NTM: variants seen among roughly 807,000 people sequenced by gnomAD.
NTM encodes neurotrimin.
NTM carries 13 observed loss-of-function variants against 42.1 expected under a neutral mutation model. The observed-to-expected ratio is 0.31, with a 90% CI of 0.20 to 0.49. The LOEUF (loss-of-function observed/expected upper bound fraction) is 0.49, where lower values mean the gene tolerates loss of function less well. NTM is among the 20% of genes least tolerant of loss of function. The pLI, the probability that NTM is intolerant of heterozygous loss-of-function variation, is 0.99. For synonymous variants in NTM, 187 were observed against 179.2 expected (o/e 1.04, Z -0.35); for missense variants, 373 against 452.8 (o/e 0.82, Z 1.60).
chr11:132,246,441 G>A (rs751864541), intron 4 of NTM, among the ~76,000 whole-genome samples: 3 of 152,238 alleles, frequency 2.0e-5, no homozygotes, highest in Non-Finnish European at 4.4e-5. Flanking sequence ...CACAGATTAA[G>A]TGATTCTGCC....
intron 2 of NTM, among the ~76,000 whole-genome samples, chr11:132,068,450 G>C (rs149763644): frequency 6.6e-6 from 1 of 152,120 alleles, no homozygotes; most frequent in East Asian, 1.9e-4. Context: ...CTTTCTTCTA[G>C]TTTCCAACAA....
rs372046540 is a variant in NTM at position 132,221,924 on chromosome 11, T to C, written c.526+9777T>C. ...TAATGCATATTGATTTCCTGCTTGA[T>C]GTCTAGCCCACTGCTTCATCTTGCT... On this transcript the variant is annotated intron_variant, in intron 4 of 8. Transcript: ENST00000683400. 9.8e-5 allele frequency among the ~76,000 whole-genome samples: 15 copies of C among 152,344 alleles called. 1 individual carries two copies. The highest frequency in any genetic ancestry group is 3.6e-4 in the African/African-American group (15 of 41,588).
At chr11:131,415,595 C>T (rs919967264) in intron 1 of NTM, among the ~76,000 whole-genome samples, 1 of 152,144 alleles carries the variant, frequency 6.6e-6, no homozygotes, top group Non-Finnish European at 1.5e-5. Context: ...GGCCAGGACT[C>T]CTTCTCCTAA....
chr11:132,254,689 C>G (rs1268854198), intron 4 of NTM, among the ~76,000 whole-genome samples: 2 of 152,154 alleles, frequency 1.3e-5, no homozygotes, highest in Non-Finnish European at 2.9e-5. Context: ...GAAGACCGCA[C>G]CACCATTCTG....
chr11:131,550,122 A>G (rs1280171844), intron 1 of NTM, among the ~76,000 whole-genome samples: 1 of 152,366 alleles, frequency 6.6e-6, no homozygotes, highest in African/African-American at 2.4e-5. Flanking sequence ...ACAGGATGAC[A>G]AGAAGAACAA....
intron 1 of NTM, among the ~76,000 whole-genome samples, chr11:131,372,498 A>G (rs1008747079): frequency 6.6e-6 from 1 of 152,138 alleles, no homozygotes; most frequent in African/African-American, 2.4e-5. Flanking sequence ...TGGGTGCACA[A>G]GAATGAAGTG....
At chr11:131,573,900 C>T (rs1380271889) in intron 1 of NTM, among the ~76,000 whole-genome samples, 1 of 152,212 alleles carries the variant, frequency 6.6e-6, no homozygotes, top group Non-Finnish European at 1.5e-5. Flanking sequence ...GCACTGGAAT[C>T]TCCAGGAGTT....
At chr11:131,945,590 C>G (rs1479286908) in intron 2 of NTM, among the ~76,000 whole-genome samples, 2 of 152,132 alleles carry the variant, frequency 1.3e-5, no homozygotes, top group African/African-American at 4.8e-5. Flanking sequence ...TCAATATTTA[C>G]CTAAAATTGC....
intron 1 of NTM, among the ~76,000 whole-genome samples, chr11:131,650,923 A>G (rs2066401698): frequency 6.6e-6 from 1 of 152,202 alleles, no homozygotes. Context: ...GCATTTAGAT[A>G]CTATTAATCT....
chr11:131,429,094 A>C (rs1352519449), intron 1 of NTM, among the ~76,000 whole-genome samples: 1 of 152,076 alleles, frequency 6.6e-6, no homozygotes, highest in South Asian at 2.1e-4. Context: ...TAGGTGAGTC[A>C]TAAAAGTATA....
chr11:131,714,308 C>T (rs1188675362), intron 1 of NTM, among the ~76,000 whole-genome samples: 1 of 152,120 alleles, frequency 6.6e-6, no homozygotes, highest in African/African-American at 2.4e-5. Flanking sequence ...CTGACTTTAG[C>T]CTCCCAAGTA....
intron 3 of NTM, among the ~76,000 whole-genome samples, chr11:132,166,758 C>T (rs1023479961): frequency 1.3e-5 from 2 of 152,184 alleles, no homozygotes; most frequent in Non-Finnish European, 2.9e-5. Context: ...GTGAGTCTGG[C>T]ACATGTCATA....
chr11:132,313,953 C>G (rs2095353221), intron 6 of NTM, among the ~76,000 whole-genome samples: 1 of 152,140 alleles, frequency 6.6e-6, no homozygotes, highest in Non-Finnish European at 1.5e-5. Context: ...ATCACTCCTC[C>G]CAAGCCCTTC....
At chr11:131,492,225 A>C (rs1277780249) in intron 1 of NTM, among the ~76,000 whole-genome samples, 1 of 152,226 alleles carries the variant, frequency 6.6e-6, no homozygotes, top group Non-Finnish European at 1.5e-5. Context: ...AGCCCTGAAA[A>C]GTTGGCAGGG....
intron 3 of NTM, among the ~76,000 whole-genome samples, chr11:132,150,336 T>C (rs1291265583): frequency 1.3e-5 from 2 of 152,168 alleles, no homozygotes; most frequent in East Asian, 3.8e-4. Context: ...TGGAATCAAC[T>C]TTCCACATAA....
At chr11:131,498,352 ACTTGG>A (rs2136342096) in intron 1 of NTM, among the ~76,000 whole-genome samples, 1 of 152,332 alleles carries the variant, frequency 6.6e-6, no homozygotes, top group South Asian at 2.1e-4. Context: ...AAGAATACAC[ACTTGG>A]CTTGGCATGT....
intron 1 of NTM, among the ~76,000 whole-genome samples, chr11:131,497,813 A>AC (rs1955510577): frequency 6.6e-6 from 1 of 151,430 alleles, no homozygotes. Flanking sequence ...TCAGTAAACA[A>AC]CCCCCTCCTA....
At chr11:132,157,931 G>T (rs1164466660) in intron 3 of NTM, among the ~76,000 whole-genome samples, 1 of 152,124 alleles carries the variant, frequency 6.6e-6, no homozygotes, top group Non-Finnish European at 1.5e-5. Context: ...GAATTCGGAG[G>T]TTTATCCAGT....
chr11:132,266,216 G>T (rs1350387989), intron 4 of NTM, among the ~76,000 whole-genome samples: 1 of 152,134 alleles, frequency 6.6e-6, no homozygotes, highest in Non-Finnish European at 1.5e-5. Context: ...ATCACTCCTG[G>T]TTGAAGCCTA....
Sources: allele counts gnomAD v4.1 joint callset (sites outside exome capture counted in the v4.1 genomes callset), GRCh38; gene constraint gnomAD v4.1.1; transcripts MANE v1.5; gene names NCBI Gene and HGNC (gene_info 2026-07-23, HGNC 2026-07-21).